Variants in PALLD observed in about 807,000 individuals in gnomAD.
PALLD encodes the protein palladin, cytoskeletal associated protein, also known as palladin.
A neutral mutation model predicts 123.5 loss-of-function variants in PALLD; 61 were observed. The ratio of observed to expected loss-of-function variants is 0.49; its 90% confidence interval spans 0.40 to 0.61. The LOEUF (loss-of-function observed/expected upper bound fraction) is 0.61, where lower values mean the gene tolerates loss of function less well. Among genes scored for constraint, PALLD ranks in the 20% least tolerant of loss-of-function variants. The pLI is 0.00. For synonymous variants in PALLD, 465 were observed against 496.4 expected (o/e 0.94, Z 0.84); for missense variants, 1,273 against 1,377.0 (o/e 0.92, Z 1.20).
At chr4:168,625,510 T>TAGATAGATAGATAGATAGATAGATAG (rs1775168960) in intron 2 of PALLD, among the ~76,000 whole-genome samples, 1 of 65,102 alleles carries the variant, frequency 1.5e-5, no homozygotes. Flanking sequence ...GAGATATATA[T>TAGATAGATAGATAGATAGATAGATAG]ATATATATCC....
intron 2 of PALLD, among the ~76,000 whole-genome samples, chr4:168,516,980 G>A (rs929566836): frequency 9.9e-5 from 15 of 152,150 alleles, no homozygotes; most frequent in African/African-American, 3.6e-4. Context: ...GTGTTGGGTA[G>A]TTGGCAGCTG....
intron 9 of PALLD, among the ~76,000 whole-genome samples, chr4:168,710,228 A>G (rs1784702476): frequency 1.3e-5 from 2 of 152,222 alleles, no homozygotes; most frequent in African/African-American, 4.8e-5. Context: ...GATATTTTCT[A>G]AACTCAAAAA....
intron 2 of PALLD, among the ~76,000 whole-genome samples, chr4:168,514,521 A>T (rs1337669827): frequency 6.6e-6 from 1 of 152,240 alleles, no homozygotes; most frequent in Non-Finnish European, 1.5e-5. Flanking sequence ...ATGTCGTTCT[A>T]AATTCTGCAT....
intron 6 of PALLD, among the ~76,000 whole-genome samples, chr4:168,686,347 G>A (rs1165837448): frequency 6.6e-6 from 1 of 152,062 alleles, no homozygotes; most frequent in East Asian, 1.9e-4. Context: ...CATGCATTAG[G>A]TATTTGTCCT....
chr4:168,553,858 A>G (rs1011062062), intron 2 of PALLD, among the ~76,000 whole-genome samples: 2 of 152,096 alleles, frequency 1.3e-5, no homozygotes, highest in Non-Finnish European at 2.9e-5. Flanking sequence ...ACTACCATTC[A>G]ATGGAGAGGG....
intron 10 of PALLD, among the ~76,000 whole-genome samples, chr4:168,821,850 A>T (rs1742760222): frequency 6.7e-6 from 1 of 149,560 alleles, no homozygotes. Flanking sequence ...ATCACACTCC[A>T]GCCTGGGCAA....
chr4:168,878,460 A>T, intron 10 of PALLD: 1 of 1,236,844 alleles, frequency 8.1e-7, no homozygotes, highest in Non-Finnish European at 1.1e-6. Flanking sequence ...GGACTCCCAC[A>T]TCTCCATACA....
intron 8 of PALLD, among the ~76,000 whole-genome samples, chr4:168,705,707 G>A (rs1784157489): frequency 6.6e-6 from 1 of 152,098 alleles, no homozygotes; most frequent in East Asian, 1.9e-4. Flanking sequence ...CCCGATCTTG[G>A]CTCACTGCAA....
chr4:168,771,370 T>G (rs1734414430), intron 10 of PALLD, among the ~76,000 whole-genome samples: 1 of 152,240 alleles, frequency 6.6e-6, no homozygotes, highest in African/African-American at 2.4e-5. Context: ...ATAATGTCTT[T>G]GCCTCAACTT....
intron 10 of PALLD, among the ~76,000 whole-genome samples, chr4:168,726,597 G>T (rs1299319625): frequency 6.6e-6 from 1 of 151,840 alleles, no homozygotes; most frequent in Admixed American, 6.6e-5. Context: ...TGCCCAGGCT[G>T]GTTTCAAACT....
chr4:168,571,065 G>A (rs1172400066), intron 2 of PALLD, among the ~76,000 whole-genome samples: 1 of 152,068 alleles, frequency 6.6e-6, no homozygotes, highest in Non-Finnish European at 1.5e-5. Context: ...TAATGGCAGG[G>A]TTCTCATCTA....
At chr4:168,684,150 G>A (rs1006405468) in intron 5 of PALLD, among the ~76,000 whole-genome samples, 2 of 152,126 alleles carry the variant, frequency 1.3e-5, no homozygotes, top group Admixed American at 6.5e-5. Flanking sequence ...AGGAAAAAAT[G>A]TCACCCACCC....
intron 2 of PALLD, among the ~76,000 whole-genome samples, chr4:168,659,396 G>A (rs1778916355): frequency 6.6e-6 from 1 of 152,246 alleles, no homozygotes; most frequent in Middle Eastern, 3.4e-3. Flanking sequence ...ACTTCATGAA[G>A]CCATGTGGTT....
rs116193378 is a variant in PALLD at position 168,756,200 on chromosome 4, G to A, written c.1964+44277G>A. The A allele has an allele frequency of 1.7e-3, 313 of 183,478 alleles. 1 individual carries two copies. The highest frequency in any genetic ancestry group is 6.4e-3 in the African/African-American group (267 of 41,806). The allele number at this position is 183,478 out of a possible 1,614,324, so 11.4% of individuals were successfully genotyped here. A position where few individuals can be genotyped will look rare whatever the true frequency, so the allele number is the denominator to read the frequency against. ...ATCTGCAGGGTTCGGGTGAGCCCAG[G>A]TGTTGCTTGTTCAATATCCCAAGCC... On this transcript the variant is annotated intron_variant, in intron 10 of 21. Coordinates refer to ENST00000505667, the MANE Select transcript of PALLD (RefSeq NM_001166108.2).
intron 10 of PALLD, among the ~76,000 whole-genome samples, chr4:168,799,919 C>T (rs1213099729): frequency 6.6e-6 from 1 of 152,132 alleles, no homozygotes; most frequent in Non-Finnish European, 1.5e-5. Flanking sequence ...TGTATTCATG[C>T]ACTTATATAG....
intron 15 of PALLD, among the ~76,000 whole-genome samples, chr4:168,905,032 C>G (rs1286843517): frequency 1.3e-5 from 2 of 151,750 alleles, no homozygotes; most frequent in Admixed American, 6.6e-5. Flanking sequence ...GAGGTTGAAG[C>G]ATGAGAATCA....
chr4:168,913,844 A>G (rs1263677952), intron 15 of PALLD, 83 bp from the exon 16 acceptor site: 1 of 918,568 alleles, frequency 1.1e-6, no homozygotes, highest in Non-Finnish European at 1.8e-6. Context: ...AATGTCTTAT[A>G]GAGAATAGGA....
At chr4:168,605,727 C>T (rs1164332915) in intron 2 of PALLD, among the ~76,000 whole-genome samples, 1 of 152,140 alleles carries the variant, frequency 6.6e-6, no homozygotes, top group Non-Finnish European at 1.5e-5. Flanking sequence ...GCTGCTACCA[C>T]CCATGCTATC....
chr4:168,858,409 A>G (rs1254138852), intron 10 of PALLD, among the ~76,000 whole-genome samples: 1 of 152,172 alleles, frequency 6.6e-6, no homozygotes, highest in Non-Finnish European at 1.5e-5. Flanking sequence ...ATCCATTGTA[A>G]TCTCTTTAAT....
Sources: gnomAD v4.1 joint callset for allele counts (sites outside exome capture counted in the v4.1 genomes callset) on GRCh38, gnomAD v4.1.1 for gene constraint, MANE v1.5 for transcripts, NCBI Gene and HGNC (gene_info 2026-07-23, HGNC 2026-07-21) for gene names.